The following PLVAP variants were observed in gnomAD, a reference collection of about 807,000 sequenced individuals.
The protein encoded by PLVAP is plasmalemma vesicle-associated protein.
In PLVAP, 34 loss-of-function variants were observed where a neutral mutation model predicts 43.1. That is an observed-to-expected ratio of 0.79 (90% CI 0.60 to 1.05). PLVAP has a LOEUF of 1.05. Ranked by LOEUF, PLVAP falls within the 50% of genes least tolerant of loss-of-function variation. The pLI is 0.00. For missense variants in PLVAP, 574 were observed against 593.4 expected (o/e 0.97, Z 0.34); for synonymous variants, 241 against 237.3 (o/e 1.02, Z -0.14).
At chr19:17,370,055 C>T (rs1010181337) in intron 1 of PLVAP, among the ~76,000 whole-genome samples, 7 of 145,470 alleles carry the variant, frequency 4.8e-5, no homozygotes, top group African/African-American at 1.8e-4. Flanking sequence ...TTAGCCATTA[C>T]GGAAATGCAA....
At chr19:17,355,569 C>T (rs2074503773) in intron 5 of PLVAP, among the ~76,000 whole-genome samples, 2 of 147,630 alleles carry the variant, frequency 1.4e-5, no homozygotes, top group South Asian at 2.1e-4. Context: ...CGCTCTGTAG[C>T]CCAGGCTGGA....
chr19:17,371,715 T>C (rs909637951), intron 1 of PLVAP, among the ~76,000 whole-genome samples: 1 of 152,090 alleles, frequency 6.6e-6, no homozygotes, highest in Non-Finnish European at 1.5e-5. Context: ...ACTGCTGAGC[T>C]CAAGCAATCC....
intron 1 of PLVAP, 44 bp downstream of exon 1, chr19:17,376,876 C>T (rs1287526499): frequency 6.4e-7 from 1 of 1,562,466 alleles, no homozygotes. Context: ...GGTGAGGGGG[C>T]TTGCTCAGGG....
chr19:17,376,904 C>T lies in PLVAP; in HGVS notation c.369+16G>A, dbSNP rs994347755. Reference sequence around the variant, plus strand: ...GCTCAGGGTCCCCAGGGCGAGTGTCCTGCCCACAGCCTTACCCGGTCACCC... The same window carrying T: ...GCTCAGGGTCCCCAGGGCGAGTGTCTTGCCCACAGCCTTACCCGGTCACCC... On this transcript the variant is annotated intron_variant, in intron 1 of 5. Transcript: ENST00000252590. 3 of 1,605,104 alleles carry T rather than the reference C, an allele frequency of 1.9e-6. No homozygotes were observed. The highest frequency in any genetic ancestry group is 2.6e-6 in the Non-Finnish European group (3 of 1,175,686).
intron 5 of PLVAP, among the ~76,000 whole-genome samples, chr19:17,354,454 G>GGAGGCCCCAGAAGGCTCGAA (rs2074498144): frequency 2.0e-5 from 3 of 151,680 alleles, no homozygotes; most frequent in African/African-American, 7.3e-5. Flanking sequence ...AAAATTAGCC[G>GGAGGCCCCAGAAGGCTCGAA]GGTGTGGTGG....
chr19:17,356,136 C>T (rs1183514603), intron 5 of PLVAP, among the ~76,000 whole-genome samples: 4 of 152,108 alleles, frequency 2.6e-5, no homozygotes, highest in Non-Finnish European at 4.4e-5. Flanking sequence ...TGGTGAAACC[C>T]TGTCTCTACT....
At chr19:17,362,779 T>A (rs991155754) in intron 3 of PLVAP, 1 of 152,166 alleles carries the variant, frequency 6.6e-6, no homozygotes, top group Non-Finnish European at 1.5e-5. Flanking sequence ...AGTTCTAAAA[T>A]CAGTGAAATC....
chr19:17,368,652 GGAA>G (rs1257408195), intron 1 of PLVAP, among the ~76,000 whole-genome samples: 6 of 152,122 alleles, frequency 3.9e-5, no homozygotes, highest in Non-Finnish European at 7.4e-5. Flanking sequence ...AGCAGACACA[GGAA>G]GAAGATGCCA....
At chr19:17,360,432 G>T (rs1347006944) in intron 5 of PLVAP, 96 bp downstream of exon 5, 6 of 1,305,232 alleles carry the variant, frequency 4.6e-6, no homozygotes, top group African/African-American at 1.5e-5. Flanking sequence ...TAAGGAAGAA[G>T]CAAGTGTGAG....
chr19:17,369,456 G>A (rs572619207), intron 1 of PLVAP, among the ~76,000 whole-genome samples: 33 of 147,434 alleles, frequency 2.2e-4, no homozygotes, highest in Admixed American at 9.4e-4. Flanking sequence ...CCAACATGGC[G>A]AAACCCCATC....
chr19:17,355,229 A>AATAATAATAATC (rs2074501894), intron 5 of PLVAP, among the ~76,000 whole-genome samples: 1 of 95,854 alleles, frequency 1.0e-5, no homozygotes, highest in South Asian at 3.0e-4. Context: ...ATCTCAAAAT[A>AATAATAATAATC]ATAATAATAA....
rs977786818 is a variant in PLVAP at position 17,360,572 on chromosome 19, C to T, written c.1278G>A (p.Leu426=). The T allele has an allele frequency of 1.2e-6, 2 of 1,613,814 alleles. No individual in the cohort carries two copies. Among genetic ancestry groups the T allele is most frequent in the Admixed American group, 1.7e-5 (1 of 59,962 alleles). ...TGCCTGCAGGGGGCCTCTGGGACTC[C>T]AGGATCTTCCTCTTGAACTCCTCCA... is the stretch of plus-strand genomic sequence containing the variant. The part of the protein sequence containing the change: ...ASLEEFKRKI[L]ESQRPPAGIP... Residue 426 remains leucine, a synonymous_variant, in exon 5 of 6, where the codon CTG becomes CTA. Coordinates refer to ENST00000252590, the MANE Select transcript of PLVAP (RefSeq NM_031310.3).
chr19:17,376,925 C>A lies in PLVAP; in HGVS notation c.364G>T (p.Asp122Tyr). Residue 122 changes from aspartate to tyrosine, a missense_variant, in exon 1 of 6, where the codon GAC (aspartate) becomes TAC (tyrosine). Transcript: ENST00000252590. Reference sequence around the variant, plus strand: ...TGTCCTGCCCACAGCCTTACCCGGTCACCCTGGCACTGGCGGAAGCTGGCA... The same window carrying A: ...TGTCCTGCCCACAGCCTTACCCGGTAACCCTGGCACTGGCGGAAGCTGGCA... ...INASFRQCQG[D>Y]RVIYTNNQRY... The A allele has an allele frequency of 6.2e-7, 1 of 1,612,526 alleles. No individual in the cohort carries two copies. The highest frequency in any genetic ancestry group is 1.1e-5 in the South Asian group (1 of 90,794).
intron 5 of PLVAP, among the ~76,000 whole-genome samples, chr19:17,359,688 G>C (rs1056497491): frequency 9.5e-6 from 1 of 105,688 alleles, no homozygotes; most frequent in Non-Finnish European, 1.9e-5. Flanking sequence ...CACCGTACCC[G>C]GCCTCTTTTT....
chr19:17,353,225 T>TGGCCCC (rs1188226105), intron 5 of PLVAP, among the ~76,000 whole-genome samples: 3 of 152,208 alleles, frequency 2.0e-5, no homozygotes, highest in East Asian at 3.8e-4. Flanking sequence ...GCCCTGGCCC[T>TGGCCCC]GGCCCCAGAC....
At chr19:17,359,539 G>A (rs1195805554) in intron 5 of PLVAP, among the ~76,000 whole-genome samples, 1 of 151,576 alleles carries the variant, frequency 6.6e-6, no homozygotes, top group East Asian at 1.9e-4. Flanking sequence ...CCAAGCAGCT[G>A]GGACTACAGG....
At chr19:17,360,865 A>G (rs781134471) in intron 3 of PLVAP, 33 bp from the exon 4 acceptor site, 1 of 1,572,622 alleles carries the variant, frequency 6.4e-7, no homozygotes. Context: ...GGTTGGTAGG[A>G]GCCAGGGCTT....
intron 5 of PLVAP, among the ~76,000 whole-genome samples, chr19:17,352,988 C>T (rs1022129564): frequency 6.6e-6 from 1 of 152,174 alleles, no homozygotes; most frequent in Non-Finnish European, 1.5e-5. Flanking sequence ...CCGCACCCTC[C>T]GGCCCCACCG....
In PLVAP at chr19:17,353,012, G is replaced by A. The variant is rs543861231; in HGVS notation, c.1323-644C>T. Reference sequence around the variant, plus strand: ...CCGGCCCCACCGCCTTTGCACGATCGGAGTTGTCTTGCTATCTGGGATGCC... The same window carrying A: ...CCGGCCCCACCGCCTTTGCACGATCAGAGTTGTCTTGCTATCTGGGATGCC... On this transcript the variant is annotated intron_variant, in intron 5 of 5. Coordinates refer to ENST00000252590, the MANE Select transcript of PLVAP (RefSeq NM_031310.3). 8.5e-5 allele frequency among the ~76,000 whole-genome samples: 13 copies of A among 152,336 alleles called. No homozygotes were observed. In the East Asian group the frequency reaches 1.9e-3, roughly 23 times the overall value.
Sources: allele counts gnomAD v4.1 joint callset (sites outside exome capture counted in the v4.1 genomes callset), GRCh38; gene constraint gnomAD v4.1.1; transcripts MANE v1.5; gene names NCBI Gene and HGNC (gene_info 2026-07-23, HGNC 2026-07-21).